The following FNBP1L variants were observed in gnomAD, a reference collection of about 807,000 sequenced individuals.
FNBP1L encodes formin-binding protein 1-like.
A neutral mutation model predicts 91.2 loss-of-function variants in FNBP1L; 36 were observed. The ratio of observed to expected loss-of-function variants is 0.39; its 90% CI spans 0.30 to 0.52. The LOEUF (loss-of-function observed/expected upper bound fraction) is 0.52, where lower values mean the gene tolerates loss of function less well. Ranked by LOEUF, FNBP1L falls within the 20% of genes least tolerant of loss-of-function variation. FNBP1L has a pLI of 0.66. For missense variants in FNBP1L, 571 were observed against 732.1 expected, an observed-to-expected ratio of 0.78 and a Z score of 2.54; for synonymous variants, 242 against 237.0, an observed-to-expected ratio of 1.02 and a Z score of -0.19.
At chr1:93,513,538 G>A (rs1404206186) in intron 2 of FNBP1L, among the ~76,000 whole-genome samples, 52 of 150,794 alleles carry the variant, frequency 3.4e-4, no homozygotes, top group Middle Eastern at 3.4e-3. Context: ...CTGGCAAACC[G>A]AATCCAGCAG....
chr1:93,534,782 A>G lies in FNBP1L; in HGVS notation c.864A>G (p.Gln288=), dbSNP rs746549667. The part of the protein sequence containing the change: ...PGDFPFEDYS[Q]HIYRTISDGT... The stretch of plus-strand genomic sequence containing the variant: ...ACTTTCCATTTGAAGATTACAGTCA[A>G]CATATATATAGAACCATTTCTGATG... Residue 288 remains glutamine (Q), a synonymous_variant, in exon 9 of 17, where the codon CAA becomes CAG. Transcript: ENST00000271234. 1.9e-6 allele frequency: 3 copies of G among 1,570,620 alleles called. No individual in the cohort carries two copies. The highest frequency in any genetic ancestry group is 2.7e-5 in the African/African-American group (2 of 73,976).
intron 1 of FNBP1L, among the ~76,000 whole-genome samples, chr1:93,494,571 TAA>T (rs1670201200): frequency 6.6e-6 from 1 of 152,168 alleles, no homozygotes; most frequent in South Asian, 2.1e-4. Flanking sequence ...TGCATTAGCA[TAA>T]ATTTAGGTAT....
intron 10 of FNBP1L, among the ~76,000 whole-genome samples, chr1:93,539,341 A>T (rs186256084): frequency 1.3e-5 from 2 of 152,018 alleles, no homozygotes; most frequent in Admixed American, 6.5e-5. Context: ...CTAGTTTATG[A>T]GTATATAATT....
chr1:93,468,671 T>C (rs1031585224), intron 1 of FNBP1L, among the ~76,000 whole-genome samples: 1 of 152,198 alleles, frequency 6.6e-6, no homozygotes, highest in Non-Finnish European at 1.5e-5. Flanking sequence ...GCTCAAGCAG[T>C]CTGCCTGCCT....
At chr1:93,536,586 A>G in intron 10 of FNBP1L, 96 bp downstream of exon 10, 1 of 1,125,144 alleles carries the variant, frequency 8.9e-7, no homozygotes, top group Admixed American at 3.5e-5. Context: ...TCTCTCCTAT[A>G]AATACACAGT....
intron 10 of FNBP1L, among the ~76,000 whole-genome samples, chr1:93,540,838 T>C (rs962746725): frequency 1.6e-5 from 2 of 127,556 alleles, no homozygotes; most frequent in Non-Finnish European, 3.2e-5. Context: ...TTATCATCAA[T>C]GTATGCTTTT....
At chr1:93,451,316 G>A (rs1668486778) in intron 1 of FNBP1L, among the ~76,000 whole-genome samples, 1 of 152,076 alleles carries the variant, frequency 6.6e-6, no homozygotes, top group African/African-American at 2.4e-5. Context: ...CCTATGTTTA[G>A]TAAATAAGTT....
intron 6 of FNBP1L, among the ~76,000 whole-genome samples, chr1:93,530,494 A>G (rs1671637441): frequency 6.6e-6 from 1 of 152,126 alleles, no homozygotes; most frequent in African/African-American, 2.4e-5. Flanking sequence ...TCTTATTGCT[A>G]TCAGGGAATA....
chr1:93,489,485 T>C (rs755076082), intron 1 of FNBP1L, among the ~76,000 whole-genome samples: 1 of 152,034 alleles, frequency 6.6e-6, no homozygotes, highest in Non-Finnish European at 1.5e-5. Flanking sequence ...AAGGCAGTTA[T>C]TGCTATTGAC....
chr1:93,529,630 G>T, intron 5 of FNBP1L, 22 bp from the exon 6 acceptor site: 3 of 1,337,524 alleles, frequency 2.2e-6, no homozygotes, highest in Non-Finnish European at 3.0e-6. Context: ...TTCTCAGTGT[G>T]ATATTTTAAT....
At position 93,546,890 on chromosome 1, in the gene FNBP1L, G is replaced by A; in HGVS notation, c.1323G>A (p.Met441Ile). Residue 441 changes from methionine to isoleucine, a missense_variant, in exon 13 of 17, where the codon ATG (methionine) becomes ATA (isoleucine). By Grantham distance (10) the Met-to-Ile change is conservative. Around this residue, in one of 5 missense-constraint regions of FNBP1L, gnomAD observed 189 missense variants for 219.7 expected, o/e 0.86. Coordinates refer to ENST00000271234, the MANE Select transcript of FNBP1L (RefSeq NM_001164473.3). ...MKDVYEKNPQ[M>I]GDPGSLQPKL... ...ATGTATATGAGAAGAATCCACAAAT[G>A]GGGGATCCAGGGAGTTTGCAGCCTA... 6.2e-7 allele frequency: 1 copy of A among 1,612,848 alleles called. No homozygotes were observed. Among genetic ancestry groups the A allele is most frequent in the Non-Finnish European group, 8.5e-7 (1 of 1,179,350 alleles).
At chr1:93,519,585 T>C (rs564252011) in intron 2 of FNBP1L, among the ~76,000 whole-genome samples, 2 of 152,344 alleles carry the variant, frequency 1.3e-5, no homozygotes, top group South Asian at 4.1e-4. Context: ...CTGTAAAAAA[T>C]GTTTGAGCAT....
chr1:93,503,816 A>T (rs1670517002), intron 2 of FNBP1L, among the ~76,000 whole-genome samples: 1 of 152,222 alleles, frequency 6.6e-6, no homozygotes, highest in Admixed American at 6.5e-5. Context: ...TTCTAAGTAA[A>T]AAAAGGAGCC....
chr1:93,507,095 ACACACACACACACTCTCT>A (rs1360099854), intron 2 of FNBP1L, among the ~76,000 whole-genome samples: 594 of 103,678 alleles, frequency 5.7e-3, no homozygotes, highest in African/African-American at 0.011. Context: ...ACACACACAC[ACACACACACACACTCTCT>A]CTCTCTCTCT....
At chr1:93,535,890 A>AT (rs1671831426) in intron 9 of FNBP1L, among the ~76,000 whole-genome samples, 1 of 151,862 alleles carries the variant, frequency 6.6e-6, no homozygotes, top group South Asian at 2.1e-4. Flanking sequence ...TGTAATGAAA[A>AT]TTTTTTTGCC....
At chr1:93,451,200 A>G (rs1668481981) in intron 1 of FNBP1L, among the ~76,000 whole-genome samples, 1 of 152,248 alleles carries the variant, frequency 6.6e-6, no homozygotes, top group South Asian at 2.1e-4. Flanking sequence ...CATAGCAAGA[A>G]TGGATGGATC....
intron 16 of FNBP1L, chr1:93,552,137 A>C: frequency 8.4e-7 from 1 of 1,195,316 alleles, no homozygotes; most frequent in Non-Finnish European, 1.0e-6. Flanking sequence ...AATTAGTTTC[A>C]GCAAGCGTTG....
chr1:93,544,233 T>A lies in FNBP1L; in HGVS notation c.1274+17T>A. ...AGACCAAAAGTATTATTCCTTTAAG[T>A]TTTCTCTATCATTATTATTTTAGGA... On this transcript the variant is annotated intron_variant, in intron 12 of 16. Coordinates refer to ENST00000271234, the MANE Select transcript of FNBP1L (RefSeq NM_001164473.3). The A allele has an allele frequency of 1.3e-6, 2 of 1,556,760 alleles. No individual in the cohort carries two copies. The highest frequency in any genetic ancestry group is 1.8e-6 in the Non-Finnish European group (2 of 1,134,536).
At chr1:93,511,738 G>A (rs1314394941) in intron 2 of FNBP1L, among the ~76,000 whole-genome samples, 15 of 152,000 alleles carry the variant, frequency 9.9e-5, no homozygotes, top group Admixed American at 2.6e-4. Context: ...AGGCCGAGGC[G>A]GGCGGATCAC....
Sources: gnomAD v4.1 joint callset for allele counts (sites outside exome capture counted in the v4.1 genomes callset) on GRCh38, gnomAD v4.1.1 for gene constraint, gnomAD v4.1.1 regional missense constraint, MANE v1.5 for transcripts, NCBI Gene and HGNC (gene_info 2026-07-23, HGNC 2026-07-21) for gene names.